Variants in TRMT11 observed in about 807,000 individuals in gnomAD.
The protein encoded by TRMT11 is tRNA (guanine(10)-N(2))-methyltransferase TRMT11.
A neutral mutation model predicts 62.8 loss-of-function variants in TRMT11; 53 were observed. That is an observed-to-expected ratio of 0.84 (90% CI 0.68 to 1.06). TRMT11 has a LOEUF of 1.06. Among genes scored for constraint, TRMT11 ranks in the 50% least tolerant of loss-of-function variants. The pLI is 0.00. For missense variants in TRMT11, 556 were observed against 553.4 expected (o/e 1.00, Z -0.05); for synonymous variants, 188 against 190.3 (o/e 0.99, Z 0.10).
At chr6:126,153,874 T>C (rs1028645677) in intron 21 of TRMT11, among the ~76,000 whole-genome samples, 3 of 152,210 alleles carry the variant, frequency 2.0e-5, no homozygotes, top group African/African-American at 7.2e-5. Context: ...ACCATGTGTG[T>C]GGGTGTGCCT....
At chr6:126,004,782 G>T (rs542367156) in intron 7 of TRMT11, among the ~76,000 whole-genome samples, 1 of 151,982 alleles carries the variant, frequency 6.6e-6, no homozygotes, top group Non-Finnish European at 1.5e-5. Flanking sequence ...CTCATGGTTC[G>T]TGATTTTTCT....
intron 2 of TRMT11, among the ~76,000 whole-genome samples, chr6:125,994,909 A>G (rs1791230494): frequency 6.6e-6 from 1 of 152,240 alleles, no homozygotes; most frequent in East Asian, 1.9e-4. Flanking sequence ...GTTCTCACTT[A>G]TAAGTGGGAG....
At chr6:126,149,483 G>A (rs1778013591) in intron 21 of TRMT11, among the ~76,000 whole-genome samples, 1 of 152,138 alleles carries the variant, frequency 6.6e-6, no homozygotes, top group Non-Finnish European at 1.5e-5. Flanking sequence ...ACCCTCTGAA[G>A]TATGCATTAT....
chr6:126,180,649 G>A (rs1298444382), intron 1 of TRMT11, among the ~76,000 whole-genome samples: 4 of 152,174 alleles, frequency 2.6e-5, no homozygotes, highest in African/African-American at 9.6e-5. Flanking sequence ...TTTTAAGACA[G>A]TATTCAAATC....
Position 126,079,741 on chromosome 6 carries a change from A to G in TRMT11, c.*1437+26551A>G, listed in dbSNP as rs6912699. On this transcript the variant is annotated intron_variant and NMD_transcript_variant, in intron 17 of 22. Transcript: ENST00000648977. Reference sequence around the variant, plus strand: ...TAAAAGTTGAAAATGGAAAGAAAAAAAAAAGATTTTGAACTATGCGTTGGT... The same window carrying G: ...TAAAAGTTGAAAATGGAAAGAAAAAGAAAAGATTTTGAACTATGCGTTGGT... 3.2e-3 allele frequency among the ~76,000 whole-genome samples: 490 copies of G among 152,284 alleles called. 5 individuals are homozygous for G. The highest frequency in any genetic ancestry group is 0.011 in the African/African-American group (468 of 41,550).
intron 1 of TRMT11, among the ~76,000 whole-genome samples, chr6:125,989,124 CT>C (rs971479523): frequency 0.017 from 1,579 of 94,422 alleles, 7 homozygotes; most frequent in African/African-American, 0.053. Flanking sequence ...AGTTTGGATT[CT>C]TTTTTTTTTT....
chr6:125,995,509 T>C (rs1432413480), intron 2 of TRMT11, among the ~76,000 whole-genome samples: 1 of 152,204 alleles, frequency 6.6e-6, no homozygotes, highest in African/African-American at 2.4e-5. Context: ...CTCATGATTT[T>C]CTATCATAGT....
At chr6:126,055,882 A>G (rs761587884) in intron 17 of TRMT11, among the ~76,000 whole-genome samples, 27 of 152,172 alleles carry the variant, frequency 1.8e-4, no homozygotes, top group Middle Eastern at 3.2e-3. Flanking sequence ...AACAGTTCAA[A>G]AGCGTATACC....
intron 12 of TRMT11, among the ~76,000 whole-genome samples, chr6:126,022,864 T>C (rs1796032734): frequency 6.6e-6 from 1 of 152,214 alleles, no homozygotes; most frequent in Non-Finnish European, 1.5e-5. Context: ...TGAAAATGTA[T>C]GGCAGTCATT....
chr6:126,203,848 C>A (rs1440330017), downstream of TRMT11, among the ~76,000 whole-genome samples: 2 of 151,322 alleles, frequency 1.3e-5, no homozygotes, highest in African/African-American at 4.9e-5. Context: ...ATTAAAAAAT[C>A]TATGCATAAA....
At chr6:126,151,595 C>G (rs921168732) in intron 21 of TRMT11, among the ~76,000 whole-genome samples, 1 of 152,144 alleles carries the variant, frequency 6.6e-6, no homozygotes, top group Non-Finnish European at 1.5e-5. Context: ...TGGGACCTGC[C>G]CAACCTCTCT....
At chr6:126,053,022 C>T (rs995568272) in intron 16 of TRMT11, among the ~76,000 whole-genome samples, 9 of 152,100 alleles carry the variant, frequency 5.9e-5, no homozygotes, top group African/African-American at 2.2e-4. Flanking sequence ...AAGACTTGCT[C>T]CTATGGCGGG....
At chr6:126,235,830 C>A in the TRMT11 span, among the ~76,000 whole-genome samples, 1,035 of 152,146 alleles carry the variant, frequency 6.8e-3, 13 homozygotes, top group African/African-American at 0.024. Context: ...ACAAAGCTAC[C>A]CATCCTGCAC....
At chr6:126,243,771 G>A in the TRMT11 span, among the ~76,000 whole-genome samples, 5 of 152,098 alleles carry the variant, frequency 3.3e-5, no homozygotes, top group African/African-American at 4.8e-5. Context: ...ATCACTCCCC[G>A]GGGCCTGTTG....
chr6:126,200,931 A>G (rs1027729143), intron 3 of TRMT11, among the ~76,000 whole-genome samples: 1 of 152,266 alleles, frequency 6.6e-6, no homozygotes, highest in Non-Finnish European at 1.5e-5. Context: ...AGTTCTTTCT[A>G]TGGAGGCAAT....
chr6:126,071,846 A>T (rs149747026), intron 17 of TRMT11, among the ~76,000 whole-genome samples: 2 of 152,290 alleles, frequency 1.3e-5, no homozygotes, highest in African/African-American at 4.8e-5. Flanking sequence ...AAACTTTAAC[A>T]TGGATCAGAA....
At chr6:126,267,214 G>T in the TRMT11 span, among the ~76,000 whole-genome samples, 1 of 152,076 alleles carries the variant, frequency 6.6e-6, no homozygotes, top group African/African-American at 2.4e-5. Context: ...AAAACTGTTG[G>T]CAATAATGCT....
chr6:126,100,721 C>T (rs930485738), intron 17 of TRMT11, among the ~76,000 whole-genome samples: 6 of 152,276 alleles, frequency 3.9e-5, no homozygotes, highest in South Asian at 4.1e-4. Flanking sequence ...AGACAAGAGT[C>T]GGGGGAATGG....
At chr6:126,067,389 A>C (rs188136967) in intron 17 of TRMT11, among the ~76,000 whole-genome samples, 66 of 152,292 alleles carry the variant, frequency 4.3e-4, no homozygotes, top group African/African-American at 1.5e-3. Flanking sequence ...ACTTTTAGAT[A>C]ATCCTTCATT....
Sources: gnomAD v4.1 joint callset for allele counts (sites outside exome capture counted in the v4.1 genomes callset) on GRCh38, gnomAD v4.1.1 for gene constraint, MANE v1.5 for transcripts, NCBI Gene and HGNC (gene_info 2026-07-23, HGNC 2026-07-21) for gene names.